The following PDE12 variants were observed in gnomAD, a reference collection of about 807,000 sequenced individuals.
PDE12 encodes the protein phosphodiesterase 12.
In PDE12, 26 loss-of-function variants were observed where a neutral mutation model predicts 45.4. The ratio of observed to expected loss-of-function variants is 0.57; its 90% CI spans 0.42 to 0.79. The LOEUF is 0.79. PDE12 is among the 30% of genes least tolerant of loss of function. PDE12 has a pLI of 0.00. For missense variants in PDE12, 668 were observed against 790.0 expected (o/e 0.85, Z 1.85); for synonymous variants, 283 against 323.9 (o/e 0.87, Z 1.36).
the PDE12 span, among the ~76,000 whole-genome samples, chr3:57,618,607 G>GTTTTTTTTTTTTTTT: frequency 1.9e-4 from 15 of 79,404 alleles, 2 homozygotes; most frequent in African/African-American, 2.2e-4. Flanking sequence ...TTGCTTTTGT[G>GTTTTTTTTTTTTTTT]TTTTTTTTTT....
At chr3:57,579,554 C>CT in the PDE12 span, among the ~76,000 whole-genome samples, 1 of 150,062 alleles carries the variant, frequency 6.7e-6, no homozygotes, top group Admixed American at 6.6e-5. Flanking sequence ...TCCCAAAGTG[C>CT]TGGGATTACA....
At chr3:57,590,605 G>C in the PDE12 span, among the ~76,000 whole-genome samples, 3 of 152,312 alleles carry the variant, frequency 2.0e-5, no homozygotes, top group African/African-American at 7.2e-5. Context: ...GATTTTTCAT[G>C]TTTTCCTTTA....
chr3:57,591,773 T>G, the PDE12 span, among the ~76,000 whole-genome samples: 1 of 152,226 alleles, frequency 6.6e-6, no homozygotes, highest in East Asian at 1.9e-4. Flanking sequence ...CCATTATGAA[T>G]GAACTTTGAC....
the PDE12 span, among the ~76,000 whole-genome samples, chr3:57,645,401 C>T: frequency 2.6e-5 from 4 of 152,120 alleles, no homozygotes; most frequent in African/African-American, 9.7e-5. Flanking sequence ...GCAGAGGTTG[C>T]AGTGAGCCGA....
Position 57,556,977 on chromosome 3 carries a change from G to C in PDE12, c.598G>C (p.Glu200Gln), listed in dbSNP as rs753112140. 1 of 1,614,184 alleles carries C rather than the reference G, an allele frequency of 6.2e-7. No homozygotes were observed. Among genetic ancestry groups the C allele is most frequent in the African/African-American group, 1.3e-5 (1 of 75,048 alleles). ...PASSLFRWYK[E>Q]AKPGAAEPEV... is the part of the protein sequence containing the mutation. The stretch of plus-strand genomic sequence containing the variant: ...CAGCTCCCTTTTCCGCTGGTATAAG[G>C]AAGCCAAGCCCGGAGCGGCGGAGCC... Residue 200 changes from glutamate (E) to glutamine (Q), a missense_variant, in exon 1 of 3, where the codon GAA becomes CAA. Transcript: ENST00000311180. This position sits in a 1 kb window ranked among gnomAD's most constrained non-coding sequence, Gnocchi z 5.0.
chr3:57,626,021 A>C, the PDE12 span: 1 of 152,654 alleles, frequency 6.6e-6, no homozygotes, highest in Non-Finnish European at 1.5e-5. Flanking sequence ...GACCATTTAT[A>C]CCTAAATAAG....
the PDE12 span, chr3:57,626,204 G>C: frequency 1.3e-5 from 2 of 152,680 alleles, no homozygotes; most frequent in East Asian, 1.9e-4. Context: ...GTATCCATAA[G>C]AACAGGGCAC....
At chr3:57,651,006 A>T in the PDE12 span, among the ~76,000 whole-genome samples, 1 of 151,738 alleles carries the variant, frequency 6.6e-6, no homozygotes, top group Non-Finnish European at 1.5e-5. Context: ...CTGGTCTCGA[A>T]CTCCCGATCT....
At chr3:57,587,136 T>C in the PDE12 span, among the ~76,000 whole-genome samples, 1 of 151,816 alleles carries the variant, frequency 6.6e-6, no homozygotes, top group African/African-American at 2.4e-5. Context: ...CTGGCCAACA[T>C]GGTAAAATCC....
chr3:57,560,898 G>A lies in PDE12; in HGVS notation c.*894G>A. 1 of 985,146 alleles carries A rather than the reference G, an allele frequency of 1.0e-6. No individual in the cohort carries two copies. 61.0% of individuals were successfully genotyped at this position (985,146 alleles called of 1,614,324 possible). ...GTTAGCGATTTACTACAATTTCAGA[G>A]CTTTAACAAAAGATAAAAATAAATC... is the stretch of plus-strand genomic sequence containing the variant. On this transcript the variant is annotated 3_prime_UTR_variant, in exon 3 of 3. Coordinates refer to ENST00000311180, the MANE Select transcript of PDE12 (RefSeq NM_177966.7).
the PDE12 span, among the ~76,000 whole-genome samples, chr3:57,634,362 G>A: frequency 2.0e-5 from 3 of 150,908 alleles, no homozygotes; most frequent in African/African-American, 7.3e-5. Context: ...GAACCCGGGA[G>A]GTGGAGGTTG....
At chr3:57,613,244 G>A in the PDE12 span, among the ~76,000 whole-genome samples, 1 of 148,296 alleles carries the variant, frequency 6.7e-6, no homozygotes, top group Non-Finnish European at 1.5e-5. Context: ...GCCTCCCAAA[G>A]TGCTAGGATT....
chr3:57,568,068 CAAAAAAAAA>C (rs11360766), downstream of PDE12, among the ~76,000 whole-genome samples: 2 of 47,546 alleles, frequency 4.2e-5, no homozygotes, highest in South Asian at 1.1e-3. Flanking sequence ...GACTCCATCT[CAAAAAAAAA>C]AAAAAAAAAA....
At chr3:57,570,221 T>TTTTTG (rs1301287407), downstream of PDE12, among the ~76,000 whole-genome samples, 1 of 129,926 alleles carries the variant, frequency 7.7e-6, no homozygotes, top group Non-Finnish European at 1.7e-5. Flanking sequence ...AATCCAGTGT[T>TTTTTG]TTTTTTTTTT....
In PDE12 at chr3:57,563,005, C is replaced by G. The variant is rs1387187494; in HGVS notation, c.*3001C>G. On this transcript the variant is annotated 3_prime_UTR_variant, in exon 3 of 3. Transcript: ENST00000311180. ...AGAACACTACTGTGGAAAGTTCTTA[C>G]GATGGAAATTGACATCTTTTGTATC... 2 of 152,044 alleles carry G rather than the reference C, an allele frequency of 1.3e-5. No individual in the cohort carries two copies. The highest frequency in any genetic ancestry group is 2.9e-5 in the Non-Finnish European group (2 of 68,002). 9.4% of individuals were successfully genotyped at this position (152,044 alleles called of 1,614,324 possible).
At chr3:57,623,987 T>A in the PDE12 span, among the ~76,000 whole-genome samples, 1 of 152,136 alleles carries the variant, frequency 6.6e-6, no homozygotes, top group Non-Finnish European at 1.5e-5. Flanking sequence ...TAAAATTTTT[T>A]AAAAATATTT....
the PDE12 span, among the ~76,000 whole-genome samples, chr3:57,609,027 CAA>C: frequency 6.6e-6 from 1 of 152,156 alleles, no homozygotes; most frequent in Non-Finnish European, 1.5e-5. Context: ...GAAATTATAA[CAA>C]ACTGTCTGTC....
At chr3:57,652,179 C>T in the PDE12 span, among the ~76,000 whole-genome samples, 6 of 152,164 alleles carry the variant, frequency 3.9e-5, no homozygotes, top group Admixed American at 6.6e-5. Flanking sequence ...TAACAGAATA[C>T]GGTAGAAATG....
chr3:57,642,341 T>C, the PDE12 span, among the ~76,000 whole-genome samples: 1 of 131,478 alleles, frequency 7.6e-6, no homozygotes, highest in Non-Finnish European at 1.6e-5. Context: ...AAAAGCATAA[T>C]AATCACAAAG....
Sources: gnomAD v4.1 joint callset for allele counts (sites outside exome capture counted in the v4.1 genomes callset) on GRCh38, gnomAD v4.1.1 for gene constraint, Gnocchi (gnomAD v3.1) non-coding constraint, MANE v1.5 for transcripts, NCBI Gene and HGNC (gene_info 2026-07-23, HGNC 2026-07-21) for gene names.